CDH4: variants seen among roughly 807,000 people sequenced by gnomAD.
The protein encoded by CDH4 is cadherin 4, also known as cadherin-4.
In CDH4, 33 loss-of-function variants were observed where a neutral mutation model predicts 86.0. The ratio of observed to expected loss-of-function variants is 0.38; its 90% CI spans 0.29 to 0.51. CDH4 has a LOEUF of 0.51. Among genes scored for constraint, CDH4 ranks in the 20% least tolerant of loss-of-function variants. The pLI is 0.86. For missense variants in CDH4, 1,114 were observed against 1,307.4 expected (o/e 0.85, Z 2.28); for synonymous variants, 555 against 549.4 (o/e 1.01, Z -0.14).
intron 4 of CDH4, among the ~76,000 whole-genome samples, chr20:61,774,829 T>C (rs6089275): frequency 0.52 from 79,598 of 152,058 alleles, 21,039 homozygotes; most frequent in East Asian, 0.71. Context: ...TCCACCTCCA[T>C]CCATGTCCCT....
intron 4 of CDH4, among the ~76,000 whole-genome samples, chr20:61,778,092 C>T (rs1449007351): frequency 1.3e-5 from 2 of 152,226 alleles, no homozygotes; most frequent in Non-Finnish European, 2.9e-5. Flanking sequence ...CCTCCACCCT[C>T]CCCTCTATCT....
At chr20:61,447,323 A>ATTTTTTTTT (rs71331923) in intron 2 of CDH4, among the ~76,000 whole-genome samples, 1,536 of 110,364 alleles carry the variant, frequency 0.014, no homozygotes, top group Non-Finnish European at 0.02. Context: ...CGCCCAGCTG[A>ATTTTTTTTT]TTTTTTTTTT....
chr20:61,547,942 G>C (rs1056101660), intron 2 of CDH4, among the ~76,000 whole-genome samples: 8 of 152,262 alleles, frequency 5.3e-5, no homozygotes, highest in Non-Finnish European at 1.0e-4. Flanking sequence ...TTAGATAACA[G>C]CGTGAAATAA....
chr20:61,530,612 C>G (rs1012204767), intron 2 of CDH4, among the ~76,000 whole-genome samples: 1 of 152,098 alleles, frequency 6.6e-6, no homozygotes, highest in African/African-American at 2.4e-5. Context: ...GAAGGAGAGT[C>G]GCAGAGGCCC....
intron 2 of CDH4, among the ~76,000 whole-genome samples, chr20:61,716,242 A>C (rs1301786742): frequency 7.5e-6 from 1 of 133,690 alleles, no homozygotes; most frequent in Admixed American, 7.2e-5. Context: ...GGCTGGAGCT[A>C]TAAAGGGACA....
intron 7 of CDH4, among the ~76,000 whole-genome samples, chr20:61,891,756 C>G (rs1984831040): frequency 6.6e-6 from 1 of 152,242 alleles, no homozygotes; most frequent in Admixed American, 6.5e-5. Context: ...CCCTGATTGG[C>G]TGCCGTGTTC....
intron 2 of CDH4, among the ~76,000 whole-genome samples, chr20:61,425,708 A>G (rs1158646819): frequency 1.3e-5 from 2 of 152,224 alleles, no homozygotes; most frequent in Non-Finnish European, 2.9e-5. Context: ...GGCCAATTGC[A>G]GGACATTCTC....
intron 2 of CDH4, among the ~76,000 whole-genome samples, chr20:61,523,466 C>A (rs535984504): frequency 1.3e-5 from 2 of 152,286 alleles, no homozygotes; most frequent in African/African-American, 4.8e-5. Flanking sequence ...CTCCGTCATT[C>A]CCCGCCACGT....
intron 2 of CDH4, among the ~76,000 whole-genome samples, chr20:61,467,934 C>T (rs1356757845): frequency 2.6e-5 from 4 of 152,150 alleles, no homozygotes; most frequent in Admixed American, 6.5e-5. Context: ...TAGAATCCGC[C>T]GAGGGAAGAA....
At chr20:61,586,863 GAGGCAC>G (rs1328022021) in intron 2 of CDH4, among the ~76,000 whole-genome samples, 32 of 152,282 alleles carry the variant, frequency 2.1e-4, no homozygotes, top group Middle Eastern at 6.8e-3. Flanking sequence ...ATAATCCACT[GAGGCAC>G]ATTATTTAAT....
At chr20:61,620,997 G>T (rs561683522) in intron 2 of CDH4, among the ~76,000 whole-genome samples, 1 of 152,368 alleles carries the variant, frequency 6.6e-6, no homozygotes, top group East Asian at 1.9e-4. Context: ...TCTCGATCAT[G>T]TCTGCAGGTT....
At chr20:61,283,574 G>A (rs1393243136) in intron 2 of CDH4, among the ~76,000 whole-genome samples, 1 of 144,834 alleles carries the variant, frequency 6.9e-6, no homozygotes, top group African/African-American at 2.5e-5. Flanking sequence ...AGGTGCATTT[G>A]CACGTGTGTG....
At chr20:61,920,946 A>C (rs1348928264) in intron 9 of CDH4, among the ~76,000 whole-genome samples, 2 of 136,816 alleles carry the variant, frequency 1.5e-5, no homozygotes, top group South Asian at 5.0e-4. Flanking sequence ...ATGGTGTCAC[A>C]GTAATTGCAT....
intron 2 of CDH4, among the ~76,000 whole-genome samples, chr20:61,710,943 G>A (rs1233763168): frequency 6.6e-6 from 1 of 152,180 alleles, no homozygotes; most frequent in Non-Finnish European, 1.5e-5. Flanking sequence ...TCAGTGGCCT[G>A]AACATCATAG....
chr20:61,920,498 G>A lies in CDH4; in HGVS notation c.1375-2953G>A, dbSNP rs138944378. Reference sequence around the variant, plus strand: ...AGTGTCACGGTGATTGTGTGGAAGCGTGTCATGGTGATTATGTGGAAGTGT... The same window carrying A: ...AGTGTCACGGTGATTGTGTGGAAGCATGTCATGGTGATTATGTGGAAGTGT... On this transcript the variant is annotated intron_variant, in intron 9 of 15. Transcript: ENST00000614565. Among the ~76,000 whole-genome samples the A allele has an allele frequency of 8.0e-4, 122 of 151,748 alleles. 1 individual carries two copies. Among genetic ancestry groups the A allele is most frequent in the Admixed American group, 8.5e-4 (13 of 15,278 alleles).
chr20:61,652,203 GAAAAT>G (rs1319734776), intron 2 of CDH4, among the ~76,000 whole-genome samples: 3 of 152,146 alleles, frequency 2.0e-5, no homozygotes, highest in South Asian at 4.1e-4. Flanking sequence ...ATACTGGAAA[GAAAAT>G]AAAAATCCTA....
At chr20:61,910,659 C>T (rs370119207) in intron 9 of CDH4, 52 bp downstream of exon 9, 24 of 1,500,830 alleles carry the variant, frequency 1.6e-5, no homozygotes, top group Non-Finnish European at 2.0e-5. Context: ...GCCACCTGCA[C>T]ACTCCCTAGG....
At chr20:61,527,846 C>A (rs778212961) in intron 2 of CDH4, among the ~76,000 whole-genome samples, 8 of 152,044 alleles carry the variant, frequency 5.3e-5, no homozygotes, top group Non-Finnish European at 1.0e-4. Context: ...GACGGTCTGT[C>A]AGGGCAGCAG....
chr20:61,726,647 C>A (rs936112033), intron 2 of CDH4, among the ~76,000 whole-genome samples: 3 of 151,274 alleles, frequency 2.0e-5, no homozygotes, highest in Non-Finnish European at 4.4e-5. Context: ...AGTCCCATCA[C>A]CACCATCATG....
Sources: gnomAD v4.1 joint callset for allele counts (sites outside exome capture counted in the v4.1 genomes callset) on GRCh38, gnomAD v4.1.1 for gene constraint, MANE v1.5 for transcripts, NCBI Gene and HGNC (gene_info 2026-07-23, HGNC 2026-07-21) for gene names.